COL5A2: variants seen among roughly 807,000 people sequenced by gnomAD.
COL5A2 encodes the protein collagen type V alpha 2 chain, also known as collagen alpha-2(V) chain.
In COL5A2, 23 loss-of-function variants were observed where a neutral mutation model predicts 208.2. The ratio of observed to expected loss-of-function variants is 0.11; its 90% CI spans 0.08 to 0.16. The LOEUF (loss-of-function observed/expected upper bound fraction) is 0.16. Ranked by LOEUF, COL5A2 falls within the 10% of genes least tolerant of loss-of-function variation. The pLI, the probability that COL5A2 is intolerant of heterozygous loss-of-function variation, is 1.00. For missense variants in COL5A2, 1,590 were observed against 1,956.4 expected (o/e 0.81, Z 3.53); for synonymous variants, 625 against 628.5 (o/e 0.99, Z 0.08).
intron 1 of COL5A2, among the ~76,000 whole-genome samples, chr2:189,209,458 C>A (rs1351891331): frequency 1.3e-5 from 2 of 152,138 alleles, no homozygotes; most frequent in South Asian, 4.1e-4. Context: ...GTTCCATAAT[C>A]CCCATGACAG....
chr2:189,155,974 A>ATC (rs370987913), intron 1 of COL5A2, among the ~76,000 whole-genome samples: 27 of 150,962 alleles, frequency 1.8e-4, no homozygotes, highest in South Asian at 6.3e-4. Context: ...GTATCTTCAA[A>ATC]TCTCTCTCTC....
At chr2:189,230,882 T>C in the COL5A2 span, among the ~76,000 whole-genome samples, 3 of 152,034 alleles carry the variant, frequency 2.0e-5, no homozygotes, top group East Asian at 5.8e-4. Context: ...GAAGAGATAT[T>C]TGTATTCCCA....
intron 2 of COL5A2, among the ~76,000 whole-genome samples, chr2:189,109,041 C>T (rs1033079391): frequency 2.0e-5 from 3 of 146,644 alleles, no homozygotes; most frequent in Non-Finnish European, 3.0e-5. Context: ...AATATATTTT[C>T]TGGTGTGTTA....
the COL5A2 span, among the ~76,000 whole-genome samples, chr2:189,380,703 A>T: frequency 6.6e-6 from 1 of 151,956 alleles, no homozygotes; most frequent in African/African-American, 2.4e-5. Flanking sequence ...AAAATAAAAT[A>T]AGTCATATAC....
chr2:189,059,016 C>A, intron 31 of COL5A2, 123 bp from the exon 32 acceptor site: 7 of 675,896 alleles, frequency 1.0e-5, no homozygotes, highest in Non-Finnish European at 1.8e-5. Flanking sequence ...CATAAGCCAA[C>A]AATTTAAAGA....
At chr2:189,345,563 C>T in the COL5A2 span, among the ~76,000 whole-genome samples, 1 of 151,946 alleles carries the variant, frequency 6.6e-6, no homozygotes, top group Non-Finnish European at 1.5e-5. Context: ...AGGAGGATAA[C>T]TTATTAGATA....
In COL5A2 at chr2:189,110,689, T is replaced by A. The variant is rs7568732; in HGVS notation, c.98-240A>T. Among the ~76,000 whole-genome samples the A allele has an allele frequency of 0.71, 108,399 of 152,046 alleles. 39,617 individuals carry two copies. The highest frequency in any genetic ancestry group is 0.81 in the Non-Finnish European group (54,905 of 67,984). ...TAAAAGTGATACAATGGAGGTATAT[T>A]TTTTAACCAGATAATGCTTCCTTCA... On this transcript the variant is annotated intron_variant, in intron 1 of 53. Transcript: ENST00000374866.
At chr2:189,434,221 T>C in the COL5A2 span, among the ~76,000 whole-genome samples, 3 of 152,096 alleles carry the variant, frequency 2.0e-5, no homozygotes, top group Non-Finnish European at 2.9e-5. Flanking sequence ...ACAGCGAATA[T>C]CATACTGAAT....
At chr2:189,358,515 C>T in the COL5A2 span, among the ~76,000 whole-genome samples, 1 of 152,082 alleles carries the variant, frequency 6.6e-6, no homozygotes, top group Non-Finnish European at 1.5e-5. Context: ...TGTGATGCCC[C>T]CAGCTTTGTT....
chr2:189,078,492 A>G (rs191029735), intron 16 of COL5A2, 24 bp downstream of exon 16: 83 of 1,572,286 alleles, frequency 5.3e-5, no homozygotes, highest in Middle Eastern at 1.7e-4. Flanking sequence ...TCTCAGCAGT[A>G]TAAGTAAAAG....
At chr2:189,255,196 GA>G in the COL5A2 span, among the ~76,000 whole-genome samples, 1 of 152,192 alleles carries the variant, frequency 6.6e-6, no homozygotes, top group Non-Finnish European at 1.5e-5. Flanking sequence ...TAAATTAACA[GA>G]ATGTGTAGTT....
intron 1 of COL5A2, among the ~76,000 whole-genome samples, chr2:189,121,229 T>C (rs1687493912): frequency 6.6e-6 from 1 of 152,126 alleles, no homozygotes. Context: ...GTTGCTTTTT[T>C]TTCAAGTGAG....
the COL5A2 span, among the ~76,000 whole-genome samples, chr2:189,328,096 T>C: frequency 4.0e-3 from 605 of 152,206 alleles, 19 homozygotes; most frequent in East Asian, 1.9e-3. Context: ...CTCAACTAAG[T>C]TCCCCTGTGC....
At chr2:189,311,192 A>G in the COL5A2 span, 1 of 927,070 alleles carries the variant, frequency 1.1e-6, no homozygotes, top group South Asian at 1.5e-5. Context: ...TGGCCAGACT[A>G]TTTTTTTTTC....
intron 18 of COL5A2, among the ~76,000 whole-genome samples, chr2:189,069,672 G>C (rs1020057644): frequency 3.9e-5 from 6 of 152,132 alleles, no homozygotes; most frequent in African/African-American, 1.4e-4. Context: ...TTAGACAATA[G>C]TTTTCCAAAT....
At chr2:189,169,067 T>C (rs902602416) in intron 1 of COL5A2, among the ~76,000 whole-genome samples, 1 of 152,210 alleles carries the variant, frequency 6.6e-6, no homozygotes, top group Non-Finnish European at 1.5e-5. Context: ...TCACCCCTAC[T>C]ACTGTATCCG....
chr2:189,138,853 A>G (rs1011253832), intron 1 of COL5A2, among the ~76,000 whole-genome samples: 1 of 152,212 alleles, frequency 6.6e-6, no homozygotes, highest in East Asian at 1.9e-4. Context: ...ATCACCAAAA[A>G]TGTAAAATAA....
the COL5A2 span, among the ~76,000 whole-genome samples, chr2:189,324,519 A>G: frequency 6.6e-6 from 1 of 152,262 alleles, no homozygotes; most frequent in Non-Finnish European, 1.5e-5. Flanking sequence ...ATGAGCAGAC[A>G]TTTCTCAAAA....
chr2:189,042,986 TA>T (rs1363959659), intron 48 of COL5A2, among the ~76,000 whole-genome samples, 164 bp downstream of exon 48: 3 of 152,250 alleles, frequency 2.0e-5, no homozygotes, highest in African/African-American at 7.2e-5. Context: ...TACAAAATTA[TA>T]GCTTATTATT....
Sources: gnomAD v4.1 joint callset for allele counts (sites outside exome capture counted in the v4.1 genomes callset) on GRCh38, gnomAD v4.1.1 for gene constraint, MANE v1.5 for transcripts, NCBI Gene and HGNC (gene_info 2026-07-23, HGNC 2026-07-21) for gene names.